The following ZNF16 variants were observed in gnomAD, a reference collection of about 807,000 sequenced individuals.
ZNF16 encodes zinc finger protein 16.
A neutral mutation model predicts 9.0 loss-of-function variants in ZNF16; 7 were observed. The observed-to-expected ratio is 0.78, with a 90% CI of 0.44 to 1.47. The LOEUF (loss-of-function observed/expected upper bound fraction) is 1.47. Among genes scored for constraint, ZNF16 ranks in the 40% most tolerant of loss-of-function variants. The pLI is 0.01. For missense variants in ZNF16, 830 were observed against 854.2 expected (o/e 0.97, Z 0.35); for synonymous variants, 312 against 301.5 (o/e 1.03, Z -0.36).
rs140010627 is a variant in ZNF16 at position 144,949,270 on chromosome 8, G to A, written c.-10+1527C>T. Among the ~76,000 whole-genome samples, 1,391 of 152,304 alleles carry A rather than the reference G, an allele frequency of 9.1e-3. 18 individuals carry two copies. The highest frequency in any genetic ancestry group is 0.031 in the Middle Eastern group (9 of 294). ...CCTTCCCAGAGTACCTCCTCCACAC[G>A]CAGAGCGACTCCACTACTGACTGGG... On this transcript the variant is annotated intron_variant, in intron 1 of 2. Coordinates refer to ENST00000394909, the MANE Select transcript of ZNF16 (RefSeq NM_006958.3).
intron 2 of ZNF16, among the ~76,000 whole-genome samples, chr8:144,934,058 G>A (rs1833620056): frequency 6.6e-6 from 1 of 152,058 alleles, no homozygotes. Context: ...TCCCTGTCTG[G>A]GACTTCCAGA....
At chr8:144,945,736 A>C in intron 2 of ZNF16, 1 of 363,338 alleles carries the variant, frequency 2.8e-6, no homozygotes, top group East Asian at 5.1e-5. Context: ...TGAATTGGGA[A>C]GGGGTCAGGA....
In ZNF16 at chr8:144,946,174, T is replaced by C; in HGVS notation, c.33A>G (p.Ala11=). The stretch of plus-strand genomic sequence containing the variant: ...GTCCTGGAACTGAGAGCTCCATCTC[T>C]GCCTCCTCACGGCGAGTTCTGAGGC... MPSLRTRREE[A]EMELSVPGPS... is the part of the protein sequence containing the mutation. The change falls in exon 2 of 3, where the codon GCA becomes GCG. Residue 11 remains alanine, a synonymous_variant. Transcript: ENST00000394909. The C allele has an allele frequency of 6.5e-7, 1 of 1,543,918 alleles. No individual in the cohort carries two copies. The highest frequency in any genetic ancestry group is 2.3e-5 in the East Asian group (1 of 43,664).
At chr8:144,950,088 C>A (rs1586964153) in intron 1 of ZNF16, among the ~76,000 whole-genome samples, 1 of 152,288 alleles carries the variant, frequency 6.6e-6, no homozygotes, top group East Asian at 1.9e-4. Flanking sequence ...TTCTTTACTC[C>A]ACTGAGATGT....
At position 144,931,722 on chromosome 8, in the gene ZNF16, C is replaced by T. The variant is rs1235360100; in HGVS notation, c.1065G>A (p.Gly355=). 3.1e-6 allele frequency: 5 copies of T among 1,614,094 alleles called. No homozygotes were observed. The highest frequency in any genetic ancestry group is 4.2e-6 in the Non-Finnish European group (5 of 1,179,966). ...GEKPYVCSEC[G]KAFRRSSNLI... ...GGTTTGAGCTTCGCCTGAAGGCCTT[C>T]CCACACTCACTGCACACATACGGTT... Residue 355 remains glycine, a synonymous_variant, in exon 3 of 3, where the codon GGG becomes GGA. Coordinates refer to ENST00000394909, the MANE Select transcript of ZNF16 (RefSeq NM_006958.3).
intron 2 of ZNF16, among the ~76,000 whole-genome samples, chr8:144,940,379 G>A (rs1241500663): frequency 6.6e-6 from 1 of 152,142 alleles, no homozygotes; most frequent in East Asian, 1.9e-4. Flanking sequence ...CAACAAGGGT[G>A]TTTATTGCTA....
chr8:144,949,342 C>G (rs1834035501), intron 1 of ZNF16, among the ~76,000 whole-genome samples: 1 of 152,248 alleles, frequency 6.6e-6, no homozygotes. Context: ...CCTTTCTCCC[C>G]CAGCTCTGCT....
intron 1 of ZNF16, among the ~76,000 whole-genome samples, chr8:144,949,866 C>T (rs533916712): frequency 7.2e-5 from 11 of 152,134 alleles, no homozygotes; most frequent in Non-Finnish European, 1.5e-4. Flanking sequence ...TCCCCCAGCC[C>T]AACGCCCGTA....
At position 144,942,192 on chromosome 8, in the gene ZNF16, A is replaced by C. The variant is rs568911503; in HGVS notation, c.196+3819T>G. 8.2e-5 allele frequency among the ~76,000 whole-genome samples: 12 copies of C among 147,192 alleles called. 1 individual carries two copies. The East Asian group carries it at 1.6e-3, about 20-fold the overall frequency. Reference sequence around the variant, plus strand: ...ACGGGGTTTCACTGTGTTAGCCGGGATGGTCTCAATCTCCTGACCTTGTGA... The same window carrying C: ...ACGGGGTTTCACTGTGTTAGCCGGGCTGGTCTCAATCTCCTGACCTTGTGA... On this transcript the variant is annotated intron_variant, in intron 2 of 2. Coordinates refer to ENST00000394909, the MANE Select transcript of ZNF16 (RefSeq NM_006958.3).
intron 2 of ZNF16, chr8:144,944,945 G>A (rs915701555): frequency 6.6e-6 from 1 of 152,174 alleles, no homozygotes; most frequent in African/African-American, 2.4e-5. Context: ...GATTGACTCT[G>A]TGTTGGGGTA....
At chr8:144,950,684 C>G (rs1260206895) in intron 1 of ZNF16, 113 bp downstream of exon 1, 3 of 151,956 alleles carry the variant, frequency 2.0e-5, no homozygotes, top group Non-Finnish European at 4.4e-5. Context: ...CCGGGGTCCC[C>G]AGCTCGCTGC....
intron 2 of ZNF16, among the ~76,000 whole-genome samples, chr8:144,935,547 A>T (rs1271886876): frequency 1.3e-5 from 2 of 152,224 alleles, no homozygotes; most frequent in African/African-American, 4.8e-5. Flanking sequence ...TTGGGCTTAA[A>T]GGTGAAGAAA....
intron 1 of ZNF16, 157 bp downstream of exon 1, chr8:144,950,640 G>A (rs1313470701): frequency 4.3e-5 from 3 of 70,114 alleles, no homozygotes; most frequent in East Asian, 7.3e-4. Context: ...CCCCCCCCGC[G>A]CTCCCACAAC....
chr8:144,948,070 G>A (rs1020625057), intron 1 of ZNF16: 3 of 152,660 alleles, frequency 2.0e-5, no homozygotes, highest in African/African-American at 7.2e-5. Flanking sequence ...ATGGTGCAGG[G>A]AGTCAACGTG....
At chr8:144,939,847 C>A (rs984916247) in intron 2 of ZNF16, among the ~76,000 whole-genome samples, 2 of 152,130 alleles carry the variant, frequency 1.3e-5, no homozygotes, top group Non-Finnish European at 2.9e-5. Flanking sequence ...CCCACTTCCA[C>A]TTCTGATTTT....
At chr8:144,937,070 C>T (rs551528089) in intron 2 of ZNF16, among the ~76,000 whole-genome samples, 89 of 151,456 alleles carry the variant, frequency 5.9e-4, no homozygotes, top group African/African-American at 2.0e-3. Flanking sequence ...CTACATACTA[C>T]ACCCTTATAA....
intron 1 of ZNF16, among the ~76,000 whole-genome samples, chr8:144,949,946 C>G (rs551979347): frequency 0.023 from 3,430 of 152,240 alleles, 47 homozygotes; most frequent in Non-Finnish European, 0.031. Flanking sequence ...GAAGGCCACT[C>G]TCTCCTGCCT....
chr8:144,936,165 G>T (rs1046099765), intron 2 of ZNF16, among the ~76,000 whole-genome samples: 6 of 152,202 alleles, frequency 3.9e-5, no homozygotes, highest in African/African-American at 1.4e-4. Flanking sequence ...TTGTACAAAT[G>T]GAATTATATA....
intron 1 of ZNF16, chr8:144,947,863 T>G (rs1013931852): frequency 6.6e-6 from 1 of 152,272 alleles, no homozygotes; most frequent in African/African-American, 2.4e-5. Context: ...GCTCCTCACA[T>G]GTTACTGATT....
Sources: allele counts gnomAD v4.1 joint callset (sites outside exome capture counted in the v4.1 genomes callset), GRCh38; gene constraint gnomAD v4.1.1; transcripts MANE v1.5; gene names NCBI Gene and HGNC (gene_info 2026-07-23, HGNC 2026-07-21).